SPIDR: variants seen among roughly 807,000 people sequenced by gnomAD.
SPIDR encodes scaffold protein involved in DNA repair, also known as DNA repair-scaffolding protein.
A neutral mutation model predicts 104.6 loss-of-function variants in SPIDR; 93 were observed. The ratio of observed to expected loss-of-function variants is 0.89; its 90% CI spans 0.75 to 1.06. SPIDR has a LOEUF of 1.06. Ranked by LOEUF, SPIDR falls within the 50% of genes least tolerant of loss-of-function variation. The probability of loss-of-function intolerance (pLI) is 0.00; values close to 1 mark genes in which losing one functional copy is unlikely to be tolerated. For synonymous variants in SPIDR, 431 were observed against 416.9 expected (o/e 1.03, Z -0.41); for missense variants, 1,154 against 1,111.2 (o/e 1.04, Z -0.55).
chr8:47,513,563 A>G (rs1182751937), intron 8 of SPIDR, among the ~76,000 whole-genome samples: 2 of 152,226 alleles, frequency 1.3e-5, no homozygotes, highest in Non-Finnish European at 2.9e-5. Flanking sequence ...CCTGTTATAC[A>G]TTGAAATGGA....
intron 5 of SPIDR, among the ~76,000 whole-genome samples, chr8:47,312,310 G>A (rs1329425260): frequency 1.3e-5 from 2 of 152,106 alleles, no homozygotes; most frequent in Non-Finnish European, 2.9e-5. Flanking sequence ...CTTCCACAAT[G>A]GTTGAACTAG....
intron 5 of SPIDR, among the ~76,000 whole-genome samples, chr8:47,362,956 G>T (rs528709861): frequency 6.6e-6 from 1 of 150,932 alleles, no homozygotes; most frequent in Admixed American, 6.6e-5. Flanking sequence ...CCCAGCCAGT[G>T]TTCTTTTTTC....
intron 5 of SPIDR, among the ~76,000 whole-genome samples, chr8:47,354,998 C>G (rs1356860844): frequency 6.6e-6 from 1 of 151,952 alleles, no homozygotes. Flanking sequence ...TTTTGTCACC[C>G]AGGCTGGAGT....
Position 47,701,718 on chromosome 8 carries a change from CAG to C in SPIDR, c.1774-1_1774del, listed in dbSNP as rs937320029. The stretch of plus-strand genomic sequence containing the variant: ...ACCTTCTACCTTTGTCTCATTTAAA[CAG>C]ATAAAAACTCATCTGCCTCCTCCAG... On this transcript the variant is annotated splice_acceptor_variant, in intron 12 of 19. Coordinates refer to ENST00000297423, the MANE Select transcript of SPIDR (RefSeq NM_001080394.4). LOFTEE classifies it high-confidence loss of function. 3 of 1,613,368 alleles carry C rather than the reference CAG, an allele frequency of 1.9e-6. No individual in the cohort carries two copies. The highest frequency in any genetic ancestry group is 2.7e-5 in the African/African-American group (2 of 74,880).
intron 14 of SPIDR, among the ~76,000 whole-genome samples, chr8:47,705,020 C>T (rs1277800312): frequency 6.6e-6 from 1 of 152,210 alleles, no homozygotes; most frequent in African/African-American, 2.4e-5. Flanking sequence ...TGTGCAGGTG[C>T]CTTTCACCCA....
chr8:47,375,432 G>C (rs1774328149), intron 5 of SPIDR, among the ~76,000 whole-genome samples: 3 of 151,620 alleles, frequency 2.0e-5, no homozygotes, highest in African/African-American at 4.8e-5. Context: ...AGTAGAGACG[G>C]GGTTTCACTA....
At chr8:47,602,598 G>A (rs1257143342) in intron 10 of SPIDR, among the ~76,000 whole-genome samples, 1 of 152,148 alleles carries the variant, frequency 6.6e-6, no homozygotes, top group African/African-American at 2.4e-5. Flanking sequence ...ATGAAACCCT[G>A]TGGTAAATTT....
chr8:47,391,527 T>G lies in SPIDR; in HGVS notation c.526-4849T>G, dbSNP rs367957907. Among the ~76,000 whole-genome samples, 8 of 151,976 alleles carry G rather than the reference T, an allele frequency of 5.3e-5. No homozygotes were observed. The East Asian group carries it at 9.7e-4, about 18-fold the overall frequency. On this transcript the variant is annotated intron_variant, in intron 5 of 19. Transcript: ENST00000297423. ...CCACACTTCAGCCTGGGCAACGGAG[T>G]GAGATCCTGTCTTAAAAAAACAAAA... is the stretch of plus-strand genomic sequence containing the variant.
chr8:47,470,435 C>T (rs1554720214), intron 8 of SPIDR, among the ~76,000 whole-genome samples: 1 of 151,908 alleles, frequency 6.6e-6, no homozygotes, highest in Non-Finnish European at 1.5e-5. Context: ...ATTACAGGCG[C>T]CCACCACCAC....
intron 5 of SPIDR, among the ~76,000 whole-genome samples, chr8:47,309,638 C>A (rs1277899096): frequency 6.6e-6 from 1 of 152,190 alleles, no homozygotes; most frequent in Non-Finnish European, 1.5e-5. Flanking sequence ...TCCCCTCTTT[C>A]TTCTCCATCT....
chr8:47,272,740 G>A (rs962106311), intron 1 of SPIDR, among the ~76,000 whole-genome samples: 4 of 152,000 alleles, frequency 2.6e-5, no homozygotes, highest in Admixed American at 6.6e-5. Flanking sequence ...CTTATCTCAC[G>A]ATTAGGAGAA....
intron 11 of SPIDR, among the ~76,000 whole-genome samples, chr8:47,687,323 G>A (rs1305558076): frequency 1.3e-5 from 2 of 152,032 alleles, no homozygotes; most frequent in Middle Eastern, 3.2e-3. Context: ...TATTTACCCC[G>A]GTAAGTAATC....
intron 8 of SPIDR, among the ~76,000 whole-genome samples, chr8:47,507,779 C>A (rs1281937721): frequency 2.6e-5 from 4 of 152,194 alleles, no homozygotes; most frequent in Admixed American, 6.5e-5. Context: ...TGTTCATTCT[C>A]CACTAGGAGC....
chr8:47,604,535 C>A (rs573624100), intron 10 of SPIDR, among the ~76,000 whole-genome samples: 7 of 152,302 alleles, frequency 4.6e-5, no homozygotes, highest in African/African-American at 1.7e-4. Context: ...CTGCCGTAGT[C>A]CAGGTCAGAG....
At position 47,728,821 on chromosome 8, in the gene SPIDR, G is replaced by C. The variant is rs576728653; in HGVS notation, c.2436-112G>C. The stretch of plus-strand genomic sequence containing the variant: ...TCAGAAACTTGATTCTGAGAGTAAA[G>C]CCCCGTTTTCTAGCTCAGCAGACAC... On this transcript the variant is annotated intron_variant, in intron 17 of 19. Coordinates refer to ENST00000297423, the MANE Select transcript of SPIDR (RefSeq NM_001080394.4). The C allele has an allele frequency of 8.5e-5, 109 of 1,280,260 alleles. No homozygotes were observed. In the African/African-American group the frequency reaches 1.5e-3, roughly 18 times the overall value. 79.3% of individuals were successfully genotyped at this position (1,280,260 alleles called of 1,614,324 possible).
At chr8:47,679,629 C>T (rs1338746534) in intron 11 of SPIDR, among the ~76,000 whole-genome samples, 1 of 152,022 alleles carries the variant, frequency 6.6e-6, no homozygotes, top group Non-Finnish European at 1.5e-5. Flanking sequence ...GCCCGCCTGC[C>T]TCCATCCCCT....
At chr8:47,464,408 C>T (rs1021391535) in intron 8 of SPIDR, among the ~76,000 whole-genome samples, 6 of 152,254 alleles carry the variant, frequency 3.9e-5, no homozygotes, top group South Asian at 2.1e-4. Context: ...ACCAAGGAAC[C>T]GGGAAGACCT....
chr8:47,706,639 TGG>T (rs2081133266), intron 14 of SPIDR, among the ~76,000 whole-genome samples: 3 of 152,186 alleles, frequency 2.0e-5, no homozygotes, highest in Admixed American at 6.5e-5. Flanking sequence ...TCCCTAGCGC[TGG>T]CAACCACTCA....
At chr8:47,721,736 A>G (rs1378026372) in intron 16 of SPIDR, among the ~76,000 whole-genome samples, 3 of 152,074 alleles carry the variant, frequency 2.0e-5, no homozygotes, top group African/African-American at 4.8e-5. Context: ...TGGCCTCCCA[A>G]AGTGCTGGGA....
Sources: allele counts gnomAD v4.1 joint callset (sites outside exome capture counted in the v4.1 genomes callset), GRCh38; gene constraint gnomAD v4.1.1; transcripts MANE v1.5; gene names NCBI Gene and HGNC (gene_info 2026-07-23, HGNC 2026-07-21).